SENP7: variants seen among roughly 807,000 people sequenced by gnomAD.
SENP7 encodes the protein sentrin-specific protease 7.
In SENP7, 64 loss-of-function variants were observed where a neutral mutation model predicts 141.2. The ratio of observed to expected loss-of-function variants is 0.45; its 90% CI spans 0.37 to 0.56. The LOEUF (loss-of-function observed/expected upper bound fraction) is 0.56. Ranked by LOEUF, SENP7 falls within the 20% of genes least tolerant of loss-of-function variation. The pLI is 0.00. For synonymous variants in SENP7, 382 were observed against 426.4 expected (o/e 0.90, Z 1.28); for missense variants, 1,025 against 1,212.2 (o/e 0.85, Z 2.29).
intron 4 of SENP7, among the ~76,000 whole-genome samples, chr3:101,427,032 A>T (rs2061984031): frequency 6.6e-6 from 1 of 152,196 alleles, no homozygotes; most frequent in Non-Finnish European, 1.5e-5. Flanking sequence ...AACTTGGCAG[A>T]GACAAAATGA....
chr3:101,439,253 G>GCCCGGCCGC (rs2062533806), intron 4 of SENP7, among the ~76,000 whole-genome samples: 1 of 105,378 alleles, frequency 9.5e-6, no homozygotes, highest in Non-Finnish European at 2.0e-5. Context: ...GAGCGTCTCT[G>GCCCGGCCGC]CCCGGCCGCC....
chr3:101,349,808 G>T (rs1029069751), intron 12 of SENP7, among the ~76,000 whole-genome samples: 1 of 152,046 alleles, frequency 6.6e-6, no homozygotes. Context: ...CAGGTGTATA[G>T]CAGATACTAA....
chr3:101,342,190 AAGAT>A (rs567347410), intron 14 of SENP7, among the ~76,000 whole-genome samples: 8 of 152,198 alleles, frequency 5.3e-5, no homozygotes, highest in Admixed American at 1.3e-4. Flanking sequence ...TACATAAAGA[AAGAT>A]AGAGATGAAG....
chr3:101,492,330 G>A (rs1201469338), intron 3 of SENP7, among the ~76,000 whole-genome samples: 1 of 152,016 alleles, frequency 6.6e-6, no homozygotes, highest in African/African-American at 2.4e-5. Context: ...AGCCGTGAGT[G>A]TGCCAGTGCA....
At chr3:101,489,426 T>A (rs1314185126) in intron 3 of SENP7, among the ~76,000 whole-genome samples, 1 of 151,190 alleles carries the variant, frequency 6.6e-6, no homozygotes, top group African/African-American at 2.4e-5. Flanking sequence ...ATCTCACATC[T>A]AACAACATTC....
At chr3:101,444,888 AT>A (rs1390844028) in intron 4 of SENP7, among the ~76,000 whole-genome samples, 1 of 149,058 alleles carries the variant, frequency 6.7e-6, no homozygotes, top group African/African-American at 2.6e-5. Context: ...AACTTAAAGT[AT>A]AATAATAATA....
chr3:101,512,997 G>T, intron 1 of SENP7, 94 bp downstream of exon 1: 3 of 1,158,744 alleles, frequency 2.6e-6, no homozygotes, highest in Non-Finnish European at 1.3e-6. Flanking sequence ...CCTCGCCCCC[G>T]CGGCTTCGGG....
At chr3:101,438,714 C>T (rs368745764) in intron 4 of SENP7, among the ~76,000 whole-genome samples, 3 of 152,280 alleles carry the variant, frequency 2.0e-5, no homozygotes, top group African/African-American at 4.8e-5. Context: ...TCGGTTTCAA[C>T]GAATGAGTAA....
chr3:101,336,730 G>A (rs1244718546), intron 17 of SENP7, among the ~76,000 whole-genome samples: 1 of 152,180 alleles, frequency 6.6e-6, no homozygotes, highest in Non-Finnish European at 1.5e-5. Flanking sequence ...TATGGGGAAA[G>A]GGGAGAAATG....
At chr3:101,403,612 A>G (rs925875762) in intron 5 of SENP7, among the ~76,000 whole-genome samples, 4 of 152,310 alleles carry the variant, frequency 2.6e-5, no homozygotes, top group South Asian at 4.1e-4. Context: ...AACTCTTGAA[A>G]ATATCCATTT....
chr3:101,431,639 C>G (rs1323749952), intron 4 of SENP7, among the ~76,000 whole-genome samples: 1 of 150,402 alleles, frequency 6.6e-6, no homozygotes, highest in African/African-American at 2.4e-5. Context: ...CAAAAATTAG[C>G]TGGGTGTGGT....
chr3:101,406,289 C>T (rs1017338687), intron 5 of SENP7, among the ~76,000 whole-genome samples: 4 of 152,060 alleles, frequency 2.6e-5, no homozygotes, highest in Non-Finnish European at 4.4e-5. Flanking sequence ...TGTAGGCACA[C>T]GGATGAAGCT....
At chr3:101,366,369 A>C (rs1326970547) in intron 9 of SENP7, 61 bp downstream of exon 9, 1 of 1,264,360 alleles carries the variant, frequency 7.9e-7, no homozygotes, top group African/African-American at 1.5e-5. Context: ...CAAGAAGAAT[A>C]AAAAAATAAC....
chr3:101,338,691 A>G (rs956581656), intron 16 of SENP7, among the ~76,000 whole-genome samples: 1 of 152,182 alleles, frequency 6.6e-6, no homozygotes, highest in Non-Finnish European at 1.5e-5. Context: ...GGGATAGGGA[A>G]AGAACTACCC....
chr3:101,481,248 A>G (rs1313404322), intron 3 of SENP7, among the ~76,000 whole-genome samples: 6 of 152,234 alleles, frequency 3.9e-5, no homozygotes, highest in Admixed American at 2.0e-4. Flanking sequence ...CTGCCCATCA[A>G]TGGACAAACG....
At chr3:101,426,320 C>T (rs1368787996) in intron 4 of SENP7, among the ~76,000 whole-genome samples, 1 of 152,128 alleles carries the variant, frequency 6.6e-6, no homozygotes, top group Non-Finnish European at 1.5e-5. Context: ...GGTCAGGTCA[C>T]CTACAAAGGG....
intron 5 of SENP7, among the ~76,000 whole-genome samples, chr3:101,411,277 T>C (rs927057732): frequency 6.6e-6 from 1 of 152,240 alleles, no homozygotes; most frequent in Non-Finnish European, 1.5e-5. Flanking sequence ...TTTCATATTA[T>C]TGTAGTCTTG....
At chr3:101,495,572 A>G (rs1361393434) in intron 2 of SENP7, among the ~76,000 whole-genome samples, 12 of 152,226 alleles carry the variant, frequency 7.9e-5, no homozygotes, top group Admixed American at 7.9e-4. Flanking sequence ...TGCAGCCCTA[A>G]AAAGGAACAC....
intron 1 of SENP7, among the ~76,000 whole-genome samples, chr3:101,504,576 A>G (rs1054567621): frequency 1.3e-5 from 2 of 152,234 alleles, no homozygotes; most frequent in African/African-American, 4.8e-5. Flanking sequence ...TAAATAAGTG[A>G]TAAGAAAGTA....
Sources: allele counts gnomAD v4.1 joint callset (sites outside exome capture counted in the v4.1 genomes callset), GRCh38; gene constraint gnomAD v4.1.1; transcripts MANE v1.5; gene names NCBI Gene and HGNC (gene_info 2026-07-23, HGNC 2026-07-21).